Variants in ASB1 observed in about 807,000 individuals in gnomAD.
ASB1 encodes ankyrin repeat and SOCS box protein 1.
ASB1 carries 18 observed loss-of-function variants against 27.7 expected under a neutral mutation model. That is an observed-to-expected ratio of 0.65 (90% CI 0.45 to 0.96). The LOEUF is 0.96. ASB1 is among the 50% of genes least tolerant of loss of function. The probability of loss-of-function intolerance (pLI) is 0.00; values close to 1 mark genes in which losing one functional copy is unlikely to be tolerated. For synonymous variants in ASB1, 189 were observed against 187.6 expected (o/e 1.01, Z -0.06); for missense variants, 397 against 451.7 (o/e 0.88, Z 1.10).
intron 3 of ASB1, among the ~76,000 whole-genome samples, chr2:238,439,345 C>G (rs920935198): frequency 6.6e-6 from 1 of 151,928 alleles, no homozygotes; most frequent in East Asian, 1.9e-4. Context: ...CGTGTTGGTC[C>G]GTGTGCTGGT....
At chr2:238,434,089 C>T (rs546923234) in intron 2 of ASB1, among the ~76,000 whole-genome samples, 75 of 152,334 alleles carry the variant, frequency 4.9e-4, no homozygotes, top group Non-Finnish European at 9.1e-4. Context: ...TCACCACCTT[C>T]CCTAGTGCCC....
chr2:238,442,583 A>T (rs1467012004), intron 3 of ASB1, among the ~76,000 whole-genome samples: 2 of 152,086 alleles, frequency 1.3e-5, no homozygotes, highest in African/African-American at 2.4e-5. Flanking sequence ...TCTTTTAAAA[A>T]TTTTCATGTT....
intron 1 of ASB1, chr2:238,427,828 T>A (rs763954928): frequency 3.3e-5 from 5 of 152,396 alleles, no homozygotes; most frequent in Non-Finnish European, 7.3e-5. Context: ...ATTTCTGAGC[T>A]TGCCATTCGC....
rs753806130 is a variant in ASB1, at chr2:238,446,518, A to G, written c.*7A>G. ...GTTTCTACTCCATGAGTAGACTCCA[A>G]GTGCTGCGGTTGATTCCAGTGAGGG... On this transcript the variant is annotated 3_prime_UTR_variant, in exon 5 of 5. Coordinates refer to ENST00000264607, the MANE Select transcript of ASB1 (RefSeq NM_001040445.3). 40 of 1,613,474 alleles carry G rather than the reference A, an allele frequency of 2.5e-5. No individual in the cohort carries two copies. The African/African-American group carries it at 4.0e-4, about 16-fold the overall frequency.
intron 1 of ASB1, 192 bp from the exon 2 acceptor site, chr2:238,433,362 G>A: frequency 1.7e-6 from 1 of 600,426 alleles, no homozygotes; most frequent in Non-Finnish European, 2.9e-6. Context: ...CTGGCCTCAA[G>A]TGATCCTGCC....
rs981507513 is a variant in ASB1, at chr2:238,433,568, G to A, written c.64G>A (p.Glu22Lys). ...GPGSAGRNLK[E>K]WLREQFCDHP... ...CTTCAGTGCAGGTCGTAATCTGAAG[G>A]AGTGGCTGAGGGAGCAATTTTGTGA... Residue 22 changes from glutamate to lysine, a missense_variant, in exon 2 of 5, where the codon GAG becomes AAG. By Grantham distance (56) the Glu-to-Lys change is moderately conservative. Transcript: ENST00000264607. 5 of 1,614,172 alleles carry A rather than the reference G, an allele frequency of 3.1e-6. No individual in the cohort carries two copies. Among genetic ancestry groups the A allele is most frequent in the Non-Finnish European group, 4.2e-6 (5 of 1,180,026 alleles).
chr2:238,436,129 C>T, intron 3 of ASB1, 116 bp downstream of exon 3: 1 of 1,052,670 alleles, frequency 9.5e-7, no homozygotes, highest in Non-Finnish European at 1.3e-6. Context: ...GTTTTGCTGG[C>T]CTTTGTAAAG....
At chr2:238,438,280 A>C (rs936207990) in intron 3 of ASB1, among the ~76,000 whole-genome samples, 1 of 133,216 alleles carries the variant, frequency 7.5e-6, no homozygotes, top group Non-Finnish European at 1.5e-5. Context: ...GTTCACTGCA[A>C]TCTCCGCCTC....
chr2:238,430,667 A>G (rs952999022), intron 1 of ASB1, among the ~76,000 whole-genome samples: 2 of 152,260 alleles, frequency 1.3e-5, no homozygotes, highest in Non-Finnish European at 2.9e-5. Context: ...ACCACTACCT[A>G]TGGCAGCGAT....
intron 1 of ASB1, among the ~76,000 whole-genome samples, chr2:238,428,707 C>T (rs1180091061): frequency 1.3e-5 from 2 of 152,174 alleles, no homozygotes; most frequent in Admixed American, 1.3e-4. Context: ...TATCCTGGGG[C>T]AGTTGTGTTG....
At position 238,449,713 on chromosome 2, in the gene ASB1, G is replaced by C. The variant is rs187075452; in HGVS notation, c.*3202G>C. On this transcript the variant is annotated 3_prime_UTR_variant, in exon 5 of 5. Coordinates refer to ENST00000264607, the MANE Select transcript of ASB1 (RefSeq NM_001040445.3). The stretch of plus-strand genomic sequence containing the variant: ...TTAAGGCAACAATGCTTGTTTTTTG[G>C]TGTTTTCTTTTGACATTTGAAAATT... 7.2e-5 allele frequency: 11 copies of C among 152,256 alleles called. 1 individual carries two copies. Among genetic ancestry groups the C allele is most frequent in the Middle Eastern group, 6.8e-3 (2 of 292 alleles). The allele number at this position is 152,256 out of a possible 1,614,324, so 9.4% of individuals were successfully genotyped here. A position where few individuals can be genotyped will look rare whatever the true frequency, so the allele number is the denominator to read the frequency against.
Position 238,426,971 on chromosome 2 carries a change from C to T in ASB1, c.-100C>T. ...CGCCGGAAGCCGCGACCCCGACGCGCCCCCCATTGCCCTCGGCGCCGGAAG... is the reference window on the plus strand; with the variant it reads ...CGCCGGAAGCCGCGACCCCGACGCGTCCCCCATTGCCCTCGGCGCCGGAAG... On this transcript the variant is annotated 5_prime_UTR_variant, in exon 1 of 5. Transcript: ENST00000264607. 5.2e-6 allele frequency: 5 copies of T among 962,812 alleles called. No homozygotes were observed. The highest frequency in any genetic ancestry group is 6.7e-6 in the Non-Finnish European group (5 of 745,780). 59.6% of individuals were successfully genotyped at this position (962,812 alleles called of 1,614,324 possible). A position where few individuals can be genotyped will look rare whatever the true frequency, so the allele number is the denominator to read the frequency against.
Position 238,446,654 on chromosome 2 carries a change from A to G in ASB1, c.*143A>G. ...TCCTCGTAGACTGTCATTGCTCCTC[A>G]GGTGCCTGGGCCGCTGAACAGTCCT... On this transcript the variant is annotated 3_prime_UTR_variant, in exon 5 of 5. Transcript: ENST00000264607. 1 of 1,087,898 alleles carries G rather than the reference A, an allele frequency of 9.2e-7. No homozygotes were observed. Among genetic ancestry groups the G allele is most frequent in the Middle Eastern group, 2.9e-4 (1 of 3,426 alleles). 67.4% of individuals were successfully genotyped at this position (1,087,898 alleles called of 1,614,324 possible).
At chr2:238,445,038 G>T (rs1379448159) in intron 4 of ASB1, among the ~76,000 whole-genome samples, 1 of 142,324 alleles carries the variant, frequency 7.0e-6, no homozygotes, top group Non-Finnish European at 1.5e-5. Context: ...CTGGAGTACA[G>T]TGGTGCAGTC....
chr2:238,434,542 A>G (rs1182261062), intron 2 of ASB1, among the ~76,000 whole-genome samples: 2 of 152,224 alleles, frequency 1.3e-5, no homozygotes, highest in African/African-American at 4.8e-5. Flanking sequence ...AGTTCCCAAG[A>G]AAAGGATTTC....
At position 238,450,728 on chromosome 2, in the gene ASB1, C is replaced by G. The variant is rs916718964; in HGVS notation, c.*4217C>G. On this transcript the variant is annotated 3_prime_UTR_variant, in exon 5 of 5. Transcript: ENST00000264607. ...CCCCTGGATCCATGGGACACACTCA[C>G]AGGAAGCTGATGTGGCCTTCTCGGT... 5 of 152,300 alleles carry G rather than the reference C, an allele frequency of 3.3e-5. No individual in the cohort carries two copies. The highest frequency in any genetic ancestry group is 1.2e-4 in the African/African-American group (5 of 41,512). 9.4% of individuals were successfully genotyped at this position (152,300 alleles called of 1,614,324 possible). A position where few individuals can be genotyped will look rare whatever the true frequency, so the allele number is the denominator to read the frequency against.
In ASB1 at chr2:238,446,688, T is replaced by G. The variant is rs1702187687; in HGVS notation, c.*177T>G. On this transcript the variant is annotated 3_prime_UTR_variant, in exon 5 of 5. Transcript: ENST00000264607. Reference sequence around the variant, plus strand: ...GGCCGCTGAACAGTCCTTGGGTCATTGTCAGCTGAGAGGCTTATACTAAAG... The same window carrying G: ...GGCCGCTGAACAGTCCTTGGGTCATGGTCAGCTGAGAGGCTTATACTAAAG... 2 of 705,832 alleles carry G rather than the reference T, an allele frequency of 2.8e-6. No homozygotes were observed. Among genetic ancestry groups the G allele is most frequent in the Non-Finnish European group, 4.7e-6 (2 of 424,676 alleles). The allele number at this position is 705,832 out of a possible 1,614,324, so 43.7% of individuals were successfully genotyped here. A position where few individuals can be genotyped will look rare whatever the true frequency, so the allele number is the denominator to read the frequency against.
chr2:238,444,277 T>A (rs1480638542), intron 3 of ASB1, 65 bp from the exon 4 acceptor site: 2 of 1,528,124 alleles, frequency 1.3e-6, no homozygotes, highest in African/African-American at 1.4e-5. Context: ...ATTTGTTGGA[T>A]CTGTGGGATC....
At chr2:238,439,962 C>A (rs1702048965) in intron 3 of ASB1, among the ~76,000 whole-genome samples, 2 of 152,160 alleles carry the variant, frequency 1.3e-5, no homozygotes, top group African/African-American at 2.4e-5. Context: ...AGTATAGACT[C>A]ATGGTTTCTG....
Sources: gnomAD v4.1 joint callset for allele counts (sites outside exome capture counted in the v4.1 genomes callset) on GRCh38, gnomAD v4.1.1 for gene constraint, MANE v1.5 for transcripts, NCBI Gene and HGNC (gene_info 2026-07-23, HGNC 2026-07-21) for gene names.